Variants in TMTC1 observed in about 807,000 individuals in gnomAD.
The protein encoded by TMTC1 is transmembrane O-mannosyltransferase targeting cadherins 1.
Under a neutral mutation model 104.8 loss-of-function variants are expected in TMTC1, and 73 were observed. That is an observed-to-expected ratio of 0.70 (90% CI 0.58 to 0.85). The LOEUF is 0.85. Ranked by LOEUF, TMTC1 falls within the 40% of genes least tolerant of loss-of-function variation. TMTC1 has a pLI of 0.00. For synonymous variants in TMTC1, 434 were observed against 428.7 expected (o/e 1.01, Z -0.15); for missense variants, 1,035 against 1,096.1 (o/e 0.94, Z 0.79).
At chr12:29,777,419 T>A (rs1209967601) in intron 1 of TMTC1, among the ~76,000 whole-genome samples, 3 of 152,126 alleles carry the variant, frequency 2.0e-5, no homozygotes, top group African/African-American at 7.2e-5. Flanking sequence ...TTAAGTGAGA[T>A]GATGACATAC....
Position 29,502,011 on chromosome 12 carries a change from G to A in TMTC1, c.*4835C>T, listed in dbSNP as rs822875. On this transcript the variant is annotated 3_prime_UTR_variant, in exon 18 of 18. Coordinates refer to ENST00000539277, the MANE Select transcript of TMTC1 (RefSeq NM_001193451.2). ...CATATTTTCCTTTTGCATCAAAAAC[G>A]TCAAGAATAATCATAAAATCTTATA... The A allele has an allele frequency of 6.6e-6, 1 of 151,872 alleles. No individual in the cohort carries two copies. Among genetic ancestry groups the A allele is most frequent in the Non-Finnish European group, 1.5e-5 (1 of 67,962 alleles). The allele number at this position is 151,872 out of a possible 1,614,324, so 9.4% of individuals were successfully genotyped here.
chr12:29,669,549 T>C (rs1231885167), intron 5 of TMTC1, among the ~76,000 whole-genome samples: 3 of 152,180 alleles, frequency 2.0e-5, no homozygotes, highest in African/African-American at 7.2e-5. Flanking sequence ...TTTGGAAATT[T>C]CCGAGATACC....
chr12:29,524,383 A>G (rs1304004011), intron 11 of TMTC1, among the ~76,000 whole-genome samples: 1 of 152,182 alleles, frequency 6.6e-6, no homozygotes, highest in Non-Finnish European at 1.5e-5. Context: ...CAATGCATTT[A>G]TTTACATGTA....
rs550501421 is a variant in TMTC1, at chr12:29,636,173, A to G, written c.939-2837T>C. Reference sequence around the variant, plus strand: ...TAATTGACGAAGAGGAAGGGAAAGAAAGTAGGTGGGATATGGATGAAACAA... The same window carrying G: ...TAATTGACGAAGAGGAAGGGAAAGAGAGTAGGTGGGATATGGATGAAACAA... On this transcript the variant is annotated intron_variant, in intron 5 of 17. Coordinates refer to ENST00000539277, the MANE Select transcript of TMTC1 (RefSeq NM_001193451.2). 7.2e-5 allele frequency among the ~76,000 whole-genome samples: 11 copies of G among 152,366 alleles called. No homozygotes were observed. In the East Asian group the frequency reaches 2.1e-3, roughly 29 times the overall value.
intron 7 of TMTC1, among the ~76,000 whole-genome samples, chr12:29,593,784 T>C (rs781691885): frequency 5.3e-5 from 8 of 152,230 alleles, no homozygotes; most frequent in South Asian, 4.1e-4. Context: ...CATTCAAACC[T>C]GATAAGAAAT....
At chr12:29,597,079 C>A (rs1344941179) in intron 7 of TMTC1, among the ~76,000 whole-genome samples, 3 of 152,154 alleles carry the variant, frequency 2.0e-5, no homozygotes, top group Non-Finnish European at 2.9e-5. Flanking sequence ...TCTTGGCAAG[C>A]CATCCGCAGT....
At chr12:29,511,615 T>C (rs1266717682) in intron 17 of TMTC1, among the ~76,000 whole-genome samples, 1 of 152,070 alleles carries the variant, frequency 6.6e-6, no homozygotes, top group Non-Finnish European at 1.5e-5. Context: ...GGAGAAAAGG[T>C]ATATTAGACA....
chr12:29,557,853 CT>C (rs1945285474), intron 9 of TMTC1, among the ~76,000 whole-genome samples: 1 of 152,170 alleles, frequency 6.6e-6, no homozygotes, highest in Non-Finnish European at 1.5e-5. Context: ...AAAATGCCTC[CT>C]CTTCTCTTTT....
intron 6 of TMTC1, among the ~76,000 whole-genome samples, chr12:29,617,961 A>T (rs1947031725): frequency 6.6e-6 from 1 of 152,162 alleles, no homozygotes; most frequent in Non-Finnish European, 1.5e-5. Flanking sequence ...CACCCTGACC[A>T]CTGTGTTGAG....
At chr12:29,731,459 G>A (rs1419674371) in intron 5 of TMTC1, among the ~76,000 whole-genome samples, 3 of 152,148 alleles carry the variant, frequency 2.0e-5, no homozygotes, top group African/African-American at 4.8e-5. Context: ...CCGCAAATTG[G>A]ATTTTAAACA....
intron 5 of TMTC1, among the ~76,000 whole-genome samples, chr12:29,689,691 C>G (rs1219760952): frequency 1.3e-5 from 2 of 152,148 alleles, no homozygotes; most frequent in African/African-American, 2.4e-5. Flanking sequence ...TTATGTGAGT[C>G]TAGATGTTTT....
intron 8 of TMTC1, among the ~76,000 whole-genome samples, chr12:29,574,977 G>T (rs560407467): frequency 6.6e-6 from 1 of 152,250 alleles, no homozygotes; most frequent in Non-Finnish European, 1.5e-5. Flanking sequence ...CCTGATGCTT[G>T]TCTACCCTGG....
chr12:29,767,803 T>C, intron 2 of TMTC1, 95 bp downstream of exon 2: 2 of 1,154,072 alleles, frequency 1.7e-6, no homozygotes, highest in Admixed American at 4.9e-5. Context: ...TATACACACA[T>C]ATTTACATGT....
chr12:29,769,053 A>G (rs993430825), intron 1 of TMTC1, among the ~76,000 whole-genome samples: 6 of 152,312 alleles, frequency 3.9e-5, no homozygotes, highest in Admixed American at 3.9e-4. Flanking sequence ...CAGGTCTTCA[A>G]TTCTCAGGCC....
intron 5 of TMTC1, among the ~76,000 whole-genome samples, chr12:29,750,549 A>G (rs1943065370): frequency 1.3e-5 from 2 of 152,240 alleles, no homozygotes; most frequent in African/African-American, 4.8e-5. Flanking sequence ...GAATGAACAA[A>G]AGAATGAATG....
chr12:29,741,920 C>T (rs151229177), intron 5 of TMTC1, among the ~76,000 whole-genome samples: 10 of 152,236 alleles, frequency 6.6e-5, no homozygotes, highest in African/African-American at 2.2e-4. Flanking sequence ...ACAACCTCTC[C>T]CTGACTGCAT....
At chr12:29,719,906 T>C (rs11050409) in intron 5 of TMTC1, among the ~76,000 whole-genome samples, 52,224 of 152,086 alleles carry the variant, frequency 0.34, 9,106 homozygotes, top group South Asian at 0.44. Context: ...GAACAAGAAA[T>C]TCACCTCTAT....
chr12:29,633,327 G>A lies in TMTC1; in HGVS notation c.948C>T (p.Thr316=). 6.2e-7 allele frequency: 1 copy of A among 1,605,082 alleles called. No individual in the cohort carries two copies. The highest frequency in any genetic ancestry group is 8.5e-7 in the Non-Finnish European group (1 of 1,174,004). ...CATTGAAGGCCAAGAGGTAGGAATA[G>A]GTGAGGAATCTATAAAGAGAAGAAG... is the stretch of plus-strand genomic sequence containing the variant. The part of the protein sequence containing the change: ...RAVWSMMRFL[T]YSYLLAFNVW... Residue 316 remains threonine, a synonymous_variant, in exon 6 of 18, where the codon ACC becomes ACT. Coordinates refer to ENST00000539277, the MANE Select transcript of TMTC1 (RefSeq NM_001193451.2).
chr12:29,503,011 G>A lies in TMTC1; in HGVS notation c.*3835C>T, dbSNP rs1233038770. 2.0e-5 allele frequency: 3 copies of A among 152,176 alleles called. No individual in the cohort carries two copies. Among genetic ancestry groups the A allele is most frequent in the Admixed American group, 1.3e-4 (2 of 15,282 alleles). The allele number at this position is 152,176 out of a possible 1,614,324, so 9.4% of individuals were successfully genotyped here. On this transcript the variant is annotated 3_prime_UTR_variant, in exon 18 of 18. Coordinates refer to ENST00000539277, the MANE Select transcript of TMTC1 (RefSeq NM_001193451.2). The stretch of plus-strand genomic sequence containing the variant: ...AGGAAACCCACATTTGCTCTGTTTC[G>A]CCTCAGAGTACAGTTATTGTGGGTC...
Sources: allele counts gnomAD v4.1 joint callset (sites outside exome capture counted in the v4.1 genomes callset), GRCh38; gene constraint gnomAD v4.1.1; transcripts MANE v1.5; gene names NCBI Gene and HGNC (gene_info 2026-07-23, HGNC 2026-07-21).